Variants in COMMD10 observed in about 807,000 individuals in gnomAD.
COMMD10 encodes the protein COMM domain-containing protein 10.
In COMMD10, 33 loss-of-function variants were observed where a neutral mutation model predicts 28.9. That is an observed-to-expected ratio of 1.14 (90% CI 0.87 to 1.53). The LOEUF is 1.53. COMMD10 is among the 40% of genes most tolerant of loss of function. COMMD10 has a pLI of 0.00. For synonymous variants in COMMD10, 110 were observed against 81.7 expected, an observed-to-expected ratio of 1.35 and a Z score of -1.87; for missense variants, 310 against 233.4, an observed-to-expected ratio of 1.33 and a Z score of -2.14.
chr5:116,107,484 G>T (rs900536295), intron 4 of COMMD10, among the ~76,000 whole-genome samples: 1 of 151,992 alleles, frequency 6.6e-6, no homozygotes, highest in Non-Finnish European at 1.5e-5. Context: ...ATTGATACTT[G>T]TGTATGCTTC....
intron 5 of COMMD10, among the ~76,000 whole-genome samples, chr5:116,266,365 G>A (rs1394988274): frequency 6.6e-6 from 1 of 151,634 alleles, no homozygotes. Context: ...AACTAAAGGG[G>A]TATATTTCAA....
chr5:116,195,520 A>G (rs916966469), intron 5 of COMMD10, among the ~76,000 whole-genome samples: 3 of 152,186 alleles, frequency 2.0e-5, no homozygotes, highest in African/African-American at 7.2e-5. Flanking sequence ...AACAGCGACC[A>G]AACAGAGAAT....
intron 5 of COMMD10, among the ~76,000 whole-genome samples, chr5:116,135,854 T>C (rs1181866630): frequency 1.3e-5 from 2 of 152,206 alleles, no homozygotes; most frequent in African/African-American, 4.8e-5. Flanking sequence ...TACTGTGTGC[T>C]CTGCAGTTTA....
rs1291890132 is a variant in COMMD10, at chr5:116,266,581, C to T, written c.511-24936C>T. ...ACACTCTTTAATTTAAATCTCTTTC[C>T]ATAACCTGTCAATATTTAAAGTACA... On this transcript the variant is annotated intron_variant, in intron 5 of 6. Transcript: ENST00000274458. 2.6e-5 allele frequency among the ~76,000 whole-genome samples: 4 copies of T among 151,844 alleles called. No individual in the cohort carries two copies. The East Asian group carries it at 5.8e-4, about 22-fold the overall frequency.
At chr5:116,175,404 G>A (rs1580520960) in intron 5 of COMMD10, among the ~76,000 whole-genome samples, 1 of 151,918 alleles carries the variant, frequency 6.6e-6, no homozygotes, top group Admixed American at 6.6e-5. Flanking sequence ...AAGAATAATG[G>A]GTATCCTTGT....
At chr5:116,292,349 A>G (rs921916351) in intron 6 of COMMD10, 102 bp from the exon 7 acceptor site, 10 of 569,982 alleles carry the variant, frequency 1.8e-5, no homozygotes, top group Non-Finnish European at 2.9e-5. Context: ...CATAGTTACC[A>G]GTGCTATTTT....
At chr5:116,138,000 T>A (rs777451333) in intron 5 of COMMD10, among the ~76,000 whole-genome samples, 1 of 151,950 alleles carries the variant, frequency 6.6e-6, no homozygotes, top group Non-Finnish European at 1.5e-5. Flanking sequence ...GTGCTTTGCT[T>A]ACCTAGCCTT....
intron 5 of COMMD10, among the ~76,000 whole-genome samples, chr5:116,281,256 G>T (rs540702876): frequency 6.6e-6 from 1 of 151,472 alleles, no homozygotes; most frequent in Admixed American, 6.6e-5. Context: ...GAAAACAGAG[G>T]GTATTTTTAG....
intron 5 of COMMD10, among the ~76,000 whole-genome samples, chr5:116,275,729 A>G (rs529561757): frequency 1.3e-5 from 2 of 151,886 alleles, no homozygotes; most frequent in African/African-American, 4.9e-5. Flanking sequence ...ATATAATTAG[A>G]AAGTTGAATA....
At chr5:116,089,308 GT>G (rs1469468230) in intron 2 of COMMD10, among the ~76,000 whole-genome samples, 17 of 152,138 alleles carry the variant, frequency 1.1e-4, no homozygotes, top group Admixed American at 7.9e-4. Context: ...CTTTCCCAAG[GT>G]AACACAGCTA....
chr5:116,220,544 T>G (rs1324835540), intron 5 of COMMD10, among the ~76,000 whole-genome samples: 1 of 152,148 alleles, frequency 6.6e-6, no homozygotes, highest in Non-Finnish European at 1.5e-5. Flanking sequence ...GCCTTGGACT[T>G]TTTGTGAGAG....
chr5:116,288,872 C>CTTT lies in COMMD10; in HGVS notation c.511-2620_511-2618dup, dbSNP rs1157658912. ...GTTTTCAATTGTTGGTGTTCTCTCT[C>CTTT]TTTTTTTTTTTTTTTTTTTTTTTTT... On this transcript the variant is annotated intron_variant, in intron 5 of 6. Coordinates refer to ENST00000274458, the MANE Select transcript of COMMD10 (RefSeq NM_016144.4). 1.3e-3 allele frequency among the ~76,000 whole-genome samples: 139 copies of CTTT among 104,368 alleles called. 4 individuals carry two copies. The highest frequency in any genetic ancestry group is 2.0e-3 in the African/African-American group (53 of 27,114). 68.5% of individuals were successfully genotyped at this position (104,368 alleles called of 152,430 possible).
rs116897503 is a variant in COMMD10 at position 116,179,418 on chromosome 5, C to T, written c.510+45240C>T. ...CAGACTAAGAACGCAGGTTTCCTGACTTTGGCCTGGTACTCTTTCCATTCG... is the reference window on the plus strand; with the variant it reads ...CAGACTAAGAACGCAGGTTTCCTGATTTTGGCCTGGTACTCTTTCCATTCG... On this transcript the variant is annotated intron_variant, in intron 5 of 6. Coordinates refer to ENST00000274458, the MANE Select transcript of COMMD10 (RefSeq NM_016144.4). 1.1e-3 allele frequency among the ~76,000 whole-genome samples: 162 copies of T among 152,216 alleles called. 3 individuals are homozygous for T. In the East Asian group the frequency reaches 0.025, roughly 24 times the overall value.
intron 5 of COMMD10, among the ~76,000 whole-genome samples, chr5:116,212,731 TG>T (rs1449437907): frequency 6.6e-5 from 10 of 152,158 alleles, no homozygotes; most frequent in African/African-American, 1.9e-4. Flanking sequence ...GGATTTTTAA[TG>T]GTTTGCTTCA....
At chr5:116,159,684 G>A (rs1752854777) in intron 5 of COMMD10, among the ~76,000 whole-genome samples, 2 of 152,152 alleles carry the variant, frequency 1.3e-5, no homozygotes, top group Admixed American at 1.3e-4. Context: ...TTTATTCCAA[G>A]TACAGGCTGA....
chr5:116,108,158 C>G (rs1160172340), intron 4 of COMMD10, among the ~76,000 whole-genome samples: 1 of 152,180 alleles, frequency 6.6e-6, no homozygotes, highest in Non-Finnish European at 1.5e-5. Flanking sequence ...GGTCAGGGAC[C>G]CACTTGAGGA....
intron 5 of COMMD10, among the ~76,000 whole-genome samples, chr5:116,161,227 T>G (rs552796085): frequency 4.6e-5 from 7 of 152,278 alleles, no homozygotes; most frequent in Non-Finnish European, 4.4e-5. Flanking sequence ...TTAAATTCTT[T>G]CTCTGCTTTG....
intron 4 of COMMD10, among the ~76,000 whole-genome samples, chr5:116,104,899 G>A (rs1447545605): frequency 1.3e-5 from 2 of 152,190 alleles, no homozygotes; most frequent in Non-Finnish European, 2.9e-5. Flanking sequence ...GATTACAGGC[G>A]TGAGCCACCG....
intron 4 of COMMD10, among the ~76,000 whole-genome samples, chr5:116,105,637 C>G (rs986988571): frequency 1.3e-5 from 2 of 152,130 alleles, no homozygotes; most frequent in African/African-American, 2.4e-5. Flanking sequence ...AGTTTCAGAA[C>G]TTCTTATTGC....
Sources: allele counts gnomAD v4.1 joint callset (sites outside exome capture counted in the v4.1 genomes callset), GRCh38; gene constraint gnomAD v4.1.1; transcripts MANE v1.5; gene names NCBI Gene and HGNC (gene_info 2026-07-23, HGNC 2026-07-21).